GLDC: variants seen among roughly 807,000 people sequenced by gnomAD.
GLDC encodes the protein glycine decarboxylase.
GLDC carries 104 observed loss-of-function variants against 121.3 expected under a neutral mutation model. That is an observed-to-expected ratio of 0.86 (90% CI 0.73 to 1.01). The LOEUF (loss-of-function observed/expected upper bound fraction) is 1.01, where lower values mean the gene tolerates loss of function less well. Among genes scored for constraint, GLDC ranks in the 50% least tolerant of loss-of-function variants. The probability of loss-of-function intolerance (pLI) is 0.00; values close to 1 mark genes in which losing one functional copy is unlikely to be tolerated. For synonymous variants in GLDC, 546 were observed against 480.6 expected, an observed-to-expected ratio of 1.14 and a Z score of -1.78; for missense variants, 1,429 against 1,306.6, an observed-to-expected ratio of 1.09 and a Z score of -1.44.
chr9:6,614,553 C>CTTT (rs58682628), intron 3 of GLDC, among the ~76,000 whole-genome samples: 1 of 139,312 alleles, frequency 7.2e-6, no homozygotes, highest in Non-Finnish European at 1.6e-5. Context: ...GGGTTTCAAT[C>CTTT]TTTTTTTTTT....
intron 17 of GLDC, chr9:6,558,336 C>A (rs1817678632): frequency 1.5e-6 from 1 of 656,982 alleles, no homozygotes; most frequent in East Asian, 2.6e-5. Flanking sequence ...CTCTTACTAC[C>A]ACCATGAATA....
At chr9:6,589,865 G>C (rs559191407) in intron 11 of GLDC, among the ~76,000 whole-genome samples, 2 of 152,128 alleles carry the variant, frequency 1.3e-5, no homozygotes, top group Non-Finnish European at 2.9e-5. Context: ...GGCCATCCTG[G>C]CTCACATGGT....
chr9:6,602,287 C>G (rs1009967541), intron 7 of GLDC, 82 bp from the exon 8 acceptor site: 3 of 901,374 alleles, frequency 3.3e-6, no homozygotes, highest in Non-Finnish European at 5.5e-6. Context: ...TTCTTTCCTT[C>G]CCAGCTTGAA....
intron 21 of GLDC, among the ~76,000 whole-genome samples, chr9:6,548,539 A>T (rs546544631): frequency 1.3e-5 from 2 of 152,254 alleles, no homozygotes; most frequent in East Asian, 3.9e-4. Context: ...TTCTTTTTCA[A>T]ACTGTGGAAC....
At chr9:6,589,345 G>C in intron 11 of GLDC, 53 bp from the exon 12 acceptor site, 1 of 1,089,984 alleles carries the variant, frequency 9.2e-7, no homozygotes, top group Non-Finnish European at 1.4e-6. Context: ...GGAGCCACAT[G>C]TGGACATCCA....
At chr9:6,571,633 A>C (rs544753912) in intron 15 of GLDC, among the ~76,000 whole-genome samples, 7 of 152,322 alleles carry the variant, frequency 4.6e-5, no homozygotes, top group Non-Finnish European at 1.0e-4. Flanking sequence ...TATGCTGGAC[A>C]AAGGGCTGAT....
At chr9:6,545,729 T>C (rs1489085535) in intron 21 of GLDC, among the ~76,000 whole-genome samples, 1 of 152,068 alleles carries the variant, frequency 6.6e-6, no homozygotes, top group Non-Finnish European at 1.5e-5. Flanking sequence ...CAGCCTCCTA[T>C]TCCTGGGTTC....
chr9:6,576,133 T>C (rs561315583), intron 15 of GLDC, among the ~76,000 whole-genome samples: 1 of 152,360 alleles, frequency 6.6e-6, no homozygotes, highest in African/African-American at 2.4e-5. Context: ...TTTATGGTTA[T>C]TGTCTTAATC....
chr9:6,629,954 TA>T (rs1432416187), intron 2 of GLDC, among the ~76,000 whole-genome samples: 7 of 87,114 alleles, frequency 8.0e-5, no homozygotes, highest in African/African-American at 1.2e-4. Flanking sequence ...TGTATATATA[TA>T]TATTTTTTTT....
chr9:6,607,745 G>T (rs796850260), intron 4 of GLDC, among the ~76,000 whole-genome samples: 4 of 152,054 alleles, frequency 2.6e-5, no homozygotes, highest in African/African-American at 9.6e-5. Context: ...CAAGGTTCAA[G>T]TGCTCCTTCC....
intron 2 of GLDC, among the ~76,000 whole-genome samples, chr9:6,641,313 G>A (rs1819624813): frequency 1.3e-5 from 2 of 152,374 alleles, no homozygotes; most frequent in East Asian, 1.9e-4. Context: ...AGGCTTGAGT[G>A]TTCCCACGTC....
chr9:6,604,915 T>G, intron 6 of GLDC, 131 bp from the exon 7 acceptor site: 2 of 893,934 alleles, frequency 2.2e-6, no homozygotes, highest in East Asian at 5.1e-5. Context: ...CATTGCTCAT[T>G]CATTCATTCA....
chr9:6,626,728 G>A (rs528874002), intron 2 of GLDC, among the ~76,000 whole-genome samples: 1 of 152,300 alleles, frequency 6.6e-6, no homozygotes, highest in East Asian at 1.9e-4. Context: ...CAGGTGTCCA[G>A]GAGGTAATAG....
At chr9:6,637,428 T>C (rs1819527498) in intron 2 of GLDC, among the ~76,000 whole-genome samples, 1 of 151,424 alleles carries the variant, frequency 6.6e-6, no homozygotes, top group Admixed American at 6.6e-5. Flanking sequence ...AGATACTTTA[T>C]CAAGATTGAG....
chr9:6,594,889 A>AT (rs1818460839), intron 9 of GLDC, 125 bp downstream of exon 9: 1 of 733,260 alleles, frequency 1.4e-6, no homozygotes, highest in Admixed American at 1.8e-5. Context: ...TGTTGAAAGT[A>AT]TTTTTCCTCG....
intron 21 of GLDC, among the ~76,000 whole-genome samples, chr9:6,547,741 C>T (rs1211246753): frequency 6.6e-6 from 1 of 151,514 alleles, no homozygotes; most frequent in Non-Finnish European, 1.5e-5. Context: ...TAAATCATGG[C>T]ACATCTACAC....
rs1818166217 is a variant in GLDC, at chr9:6,581,279, C to T, written c.1850+5862G>A. 2.0e-5 allele frequency among the ~76,000 whole-genome samples: 3 copies of T among 152,294 alleles called. No homozygotes were observed. The South Asian group carries it at 6.2e-4, about 32-fold the overall frequency. ...GTTCCATCCAGTCTCCCTCAGTGCC[C>T]CCAATGGGACTGATCTCTAGGATCC... On this transcript the variant is annotated intron_variant, in intron 15 of 24. Transcript: ENST00000321612.
chr9:6,632,906 G>A (rs971160724), intron 2 of GLDC, among the ~76,000 whole-genome samples: 2 of 152,082 alleles, frequency 1.3e-5, no homozygotes, highest in South Asian at 2.1e-4. Context: ...ACAAATTCCC[G>A]CTATTCAATC....
At chr9:6,545,661 G>C (rs1817372370) in intron 21 of GLDC, among the ~76,000 whole-genome samples, 1 of 151,888 alleles carries the variant, frequency 6.6e-6, no homozygotes, top group African/African-American at 2.4e-5. Context: ...TTATTTTTGA[G>C]ACAGAGTCTC....
Sources: gnomAD v4.1 joint callset for allele counts (sites outside exome capture counted in the v4.1 genomes callset) on GRCh38, gnomAD v4.1.1 for gene constraint, MANE v1.5 for transcripts, NCBI Gene and HGNC (gene_info 2026-07-23, HGNC 2026-07-21) for gene names.